SETD2: variants seen among roughly 807,000 people sequenced by gnomAD.
The protein encoded by SETD2 is SET domain containing 2, histone lysine methyltransferase.
SETD2 carries 31 observed loss-of-function variants against 242.1 expected under a neutral mutation model. The ratio of observed to expected loss-of-function variants is 0.13; its 90% CI spans 0.10 to 0.17. SETD2 has a LOEUF of 0.17. Among genes scored for constraint, SETD2 ranks in the 10% least tolerant of loss-of-function variants. The probability of loss-of-function intolerance (pLI) is 1.00; values close to 1 mark genes in which losing one functional copy is unlikely to be tolerated. For missense variants in SETD2, 2,481 were observed against 3,046.3 expected, an observed-to-expected ratio of 0.81 and a Z score of 4.37; for synonymous variants, 1,006 against 1,066.5, an observed-to-expected ratio of 0.94 and a Z score of 1.11.
chr3:47,152,542 A>G (rs2044011133), intron 1 of SETD2, among the ~76,000 whole-genome samples: 1 of 152,222 alleles, frequency 6.6e-6, no homozygotes. Flanking sequence ...TAAACTTTAA[A>G]CCTAGCATCT....
intron 1 of SETD2, among the ~76,000 whole-genome samples, chr3:47,137,571 T>C (rs377097800): frequency 1.6e-3 from 246 of 152,288 alleles, no homozygotes; most frequent in African/African-American, 5.7e-3. Flanking sequence ...TTCCTCCCAC[T>C]AGCATACAAG....
At chr3:47,143,601 G>C (rs1003030160) in intron 1 of SETD2, among the ~76,000 whole-genome samples, 4 of 152,090 alleles carry the variant, frequency 2.6e-5, no homozygotes, top group African/African-American at 9.7e-5. Context: ...AATACTAACA[G>C]TATATAACTG....
chr3:47,090,248 A>AAAAC lies in SETD2; in HGVS notation c.5143-2005_5143-2002dup, dbSNP rs527358829. On this transcript the variant is annotated intron_variant, in intron 9 of 20. Coordinates refer to ENST00000409792, the MANE Select transcript of SETD2 (RefSeq NM_014159.7). Reference sequence around the variant, plus strand: ...AGCGACAGAGTGAGACTCCTTCTCAAAAACAAACAAACAAACAAACAAATA... The same window carrying AAAAC: ...AGCGACAGAGTGAGACTCCTTCTCAAAAACAAACAAACAAACAAACAAACAAATA... Among the ~76,000 whole-genome samples, 57 of 152,206 alleles carry AAAAC rather than the reference A, an allele frequency of 3.7e-4. No individual in the cohort carries two copies. In the South Asian group the frequency reaches 6.2e-3, roughly 17 times the overall value.
intron 1 of SETD2, among the ~76,000 whole-genome samples, chr3:47,151,262 A>G (rs2043976182): frequency 6.6e-6 from 1 of 152,210 alleles, no homozygotes; most frequent in African/African-American, 2.4e-5. Context: ...ATGAAATGTT[A>G]GCCTTTCTTG....
At chr3:47,073,150 C>CAAAAA (rs10712927) in intron 12 of SETD2, among the ~76,000 whole-genome samples, 1 of 130,396 alleles carries the variant, frequency 7.7e-6, no homozygotes, top group Non-Finnish European at 1.7e-5. Context: ...CATTCCATCT[C>CAAAAA]AAAAAAAAAA....
chr3:47,041,917 T>C (rs980419100), intron 17 of SETD2, among the ~76,000 whole-genome samples: 1 of 152,222 alleles, frequency 6.6e-6, no homozygotes, highest in Non-Finnish European at 1.5e-5. Context: ...AGCTATGATA[T>C]AGACTGCTTG....
At chr3:47,090,066 G>A (rs1404243717) in intron 9 of SETD2, among the ~76,000 whole-genome samples, 2 of 152,086 alleles carry the variant, frequency 1.3e-5, no homozygotes, top group African/African-American at 2.4e-5. Flanking sequence ...TGGCCAACAT[G>A]GTGAAACCCT....
chr3:47,119,139 G>C (rs2042973732), intron 3 of SETD2, among the ~76,000 whole-genome samples: 1 of 152,140 alleles, frequency 6.6e-6, no homozygotes, highest in Non-Finnish European at 1.5e-5. Context: ...CAAAAAAGGA[G>C]AGTAAGGGGG....
intron 16 of SETD2, among the ~76,000 whole-genome samples, chr3:47,046,130 G>A (rs1034861298): frequency 1.3e-5 from 2 of 151,568 alleles, no homozygotes; most frequent in African/African-American, 4.9e-5. Flanking sequence ...CTGAGGTCAT[G>A]AGGTCAAGAC....
At chr3:47,058,554 T>C (rs990303094) in intron 14 of SETD2, among the ~76,000 whole-genome samples, 3 of 147,054 alleles carry the variant, frequency 2.0e-5, no homozygotes, top group Middle Eastern at 3.7e-3. Context: ...ATTTATAAAC[T>C]ATGGTACATG....
intron 18 of SETD2, among the ~76,000 whole-genome samples, chr3:47,032,317 G>T (rs879755504): frequency 6.6e-6 from 1 of 151,674 alleles, no homozygotes; most frequent in Admixed American, 6.6e-5. Context: ...TTTGAGACCA[G>T]CCTGGTCACC....
intron 1 of SETD2, chr3:47,127,536 T>C (rs1041002628): frequency 1.3e-5 from 6 of 452,724 alleles, no homozygotes; most frequent in Non-Finnish European, 2.7e-5. Flanking sequence ...GAGACCACCC[T>C]GGGTAACATA....
intron 17 of SETD2, 41 bp from the exon 18 acceptor site, chr3:47,037,818 AAC>A (rs756760511): frequency 2.9e-6 from 4 of 1,397,280 alleles, no homozygotes; most frequent in Non-Finnish European, 4.1e-6. Context: ...AGGGCTAGGA[AAC>A]AGAGAATCCT....
intron 1 of SETD2, among the ~76,000 whole-genome samples, chr3:47,146,542 C>T (rs2043859558): frequency 6.6e-6 from 1 of 151,482 alleles, no homozygotes; most frequent in Admixed American, 6.6e-5. Context: ...GCAGGAGAAT[C>T]GCTTGAATCC....
rs2041428121 is a variant in SETD2, at chr3:47,083,943, G to T, written c.5837C>A (p.Ala1946Asp). The change falls in exon 12 of 21, where the codon GCT becomes GAT. Residue 1946 changes from alanine (A) to aspartate (D), a missense_variant. Ala to Asp is a moderately radical substitution (Grantham distance 126). Around this residue, in one of 17 missense-constraint regions of SETD2, gnomAD observed 203 missense variants for 222.4 expected, o/e 0.91. Transcript: ENST00000409792. Reference sequence around the variant, plus strand: ...TGGTTCAGATGTAGGTAGCTTACTAGCTTCTATGTTGGTTTCACTATCAAC... The same window carrying T: ...TGGTTCAGATGTAGGTAGCTTACTATCTTCTATGTTGGTTTCACTATCAAC... ...CKVDSETNIE[A>D]SKLPTSEPEA... 1 of 1,614,122 alleles carries T rather than the reference G, an allele frequency of 6.2e-7. No individual in the cohort carries two copies. The highest frequency in any genetic ancestry group is 8.5e-7 in the Non-Finnish European group (1 of 1,180,016).
intron 10 of SETD2, among the ~76,000 whole-genome samples, chr3:47,087,557 T>C (rs1306733466): frequency 1.3e-5 from 2 of 152,178 alleles, no homozygotes; most frequent in Non-Finnish European, 2.9e-5. Context: ...AATCAGCCCA[T>C]GGCCTGGGGA....
chr3:47,107,214 T>C (rs959626718), intron 5 of SETD2, among the ~76,000 whole-genome samples: 1 of 152,206 alleles, frequency 6.6e-6, no homozygotes, highest in African/African-American at 2.4e-5. Context: ...CTGAAAGTCT[T>C]TTCTTATCCC....
chr3:47,027,801 T>C (rs1486960013), intron 18 of SETD2, among the ~76,000 whole-genome samples: 3 of 145,478 alleles, frequency 2.1e-5, no homozygotes, highest in Admixed American at 2.1e-4. Context: ...TTTGTTTTTG[T>C]TTTTTTTTTT....
chr3:47,161,498 C>T (rs1200647388), intron 1 of SETD2, among the ~76,000 whole-genome samples: 1 of 152,148 alleles, frequency 6.6e-6, no homozygotes, highest in Non-Finnish European at 1.5e-5. Context: ...CTCTAGCCTT[C>T]ATTTTCTTCA....
Sources: allele counts gnomAD v4.1 joint callset (sites outside exome capture counted in the v4.1 genomes callset), GRCh38; gene constraint gnomAD v4.1.1; regional missense constraint gnomAD v4.1.1; transcripts MANE v1.5; gene names NCBI Gene and HGNC (gene_info 2026-07-23, HGNC 2026-07-21).